EPHB1: variants seen among roughly 807,000 people sequenced by gnomAD.
EPHB1 encodes the protein ephrin type-B receptor 1.
Under a neutral mutation model 94.4 loss-of-function variants are expected in EPHB1, and 30 were observed. That is an observed-to-expected ratio of 0.32 (90% CI 0.24 to 0.43). The LOEUF (loss-of-function observed/expected upper bound fraction) is 0.43. EPHB1 is among the 20% of genes least tolerant of loss of function. The pLI is 1.00. For synonymous variants in EPHB1, 522 were observed against 489.1 expected (o/e 1.07, Z -0.89); for missense variants, 1,055 against 1,308.3 (o/e 0.81, Z 2.99).
At chr3:135,082,340 T>G (rs565149535) in intron 3 of EPHB1, among the ~76,000 whole-genome samples, 20 of 152,340 alleles carry the variant, frequency 1.3e-4, no homozygotes, top group Non-Finnish European at 2.9e-4. Flanking sequence ...CAGAAGAGTT[T>G]CTTGAGAGAC....
chr3:135,048,477 C>T (rs1438047459), intron 3 of EPHB1, among the ~76,000 whole-genome samples: 1 of 151,956 alleles, frequency 6.6e-6, no homozygotes, highest in African/African-American at 2.4e-5. Context: ...AGCATATTGC[C>T]CAGGCTGGTC....
At chr3:134,922,780 A>C (rs1018004885) in intron 1 of EPHB1, among the ~76,000 whole-genome samples, 4 of 152,154 alleles carry the variant, frequency 2.6e-5, no homozygotes, top group Non-Finnish European at 5.9e-5. Flanking sequence ...AGAGCCCCTC[A>C]AAAGCCCAAG....
At chr3:135,244,942 C>A (rs958834578) in intron 13 of EPHB1, among the ~76,000 whole-genome samples, 1 of 152,094 alleles carries the variant, frequency 6.6e-6, no homozygotes, top group Non-Finnish European at 1.5e-5. Context: ...ATTATCAGCT[C>A]AAGTAATAAC....
intron 1 of EPHB1, among the ~76,000 whole-genome samples, chr3:134,810,896 G>C (rs983595461): frequency 6.6e-6 from 1 of 152,128 alleles, no homozygotes; most frequent in African/African-American, 2.4e-5. Context: ...GCAGGGTACT[G>C]GTTCTCAGGG....
intron 12 of EPHB1, among the ~76,000 whole-genome samples, chr3:135,220,280 G>T (rs917970160): frequency 1.3e-5 from 2 of 152,138 alleles, no homozygotes; most frequent in African/African-American, 4.8e-5. Context: ...TGCTCACCCC[G>T]CAGGCATTCT....
intron 9 of EPHB1, among the ~76,000 whole-genome samples, chr3:135,174,615 T>C (rs549213729): frequency 7.1e-4 from 108 of 152,330 alleles, no homozygotes; most frequent in African/African-American, 2.6e-3. Flanking sequence ...GTTTTGCCGA[T>C]AGTTTCCACA....
chr3:134,845,575 C>T (rs6772947), intron 1 of EPHB1, among the ~76,000 whole-genome samples: 55,689 of 152,020 alleles, frequency 0.37, 11,234 homozygotes, highest in African/African-American at 0.54. Flanking sequence ...GCCTCTTTGC[C>T]GTGGCTTCGA....
At chr3:134,833,335 G>T (rs2036611103) in intron 1 of EPHB1, among the ~76,000 whole-genome samples, 1 of 152,188 alleles carries the variant, frequency 6.6e-6, no homozygotes, top group African/African-American at 2.4e-5. Flanking sequence ...GAGTGTGCTG[G>T]ATGAACTCAT....
At position 134,882,758 on chromosome 3, in the gene EPHB1, C is replaced by CT. The variant is rs60859294; in HGVS notation, c.59-43056dup. Reference sequence around the variant, plus strand: ...TCTTTCCTTCTTTCTTCCTTTCTTCCTTCCTTCCTTTCTTTCTTTCTTTCT... The same window carrying CT: ...TCTTTCCTTCTTTCTTCCTTTCTTCCTTTCCTTCCTTTCTTTCTTTCTTTCT... On this transcript the variant is annotated intron_variant, in intron 1 of 15. Transcript: ENST00000398015. Among the ~76,000 whole-genome samples the CT allele has an allele frequency of 9.3e-3, 1,001 of 107,150 alleles. 30 individuals are homozygous for CT. Among genetic ancestry groups the CT allele is most frequent in the African/African-American group, 0.035 (841 of 24,108 alleles). The allele number at this position is 107,150 out of a possible 152,430, so 70.3% of individuals were successfully genotyped here. A position where few individuals can be genotyped will look rare whatever the true frequency, so the allele number is the denominator to read the frequency against.
chr3:135,093,451 C>T (rs1004473014), intron 3 of EPHB1, among the ~76,000 whole-genome samples: 2 of 152,156 alleles, frequency 1.3e-5, no homozygotes, highest in African/African-American at 2.4e-5. Context: ...GACACGGTGG[C>T]CCACACCTGT....
chr3:134,932,439 G>A (rs532767733), intron 2 of EPHB1, among the ~76,000 whole-genome samples: 6 of 152,226 alleles, frequency 3.9e-5, no homozygotes, highest in African/African-American at 1.2e-4. Flanking sequence ...TTCCAAAGCC[G>A]AACAAAATCA....
intron 3 of EPHB1, among the ~76,000 whole-genome samples, chr3:135,053,023 G>GTATATATATATATATATATATA (rs1419499793): frequency 1.0e-4 from 7 of 68,560 alleles, no homozygotes; most frequent in African/African-American, 1.7e-4. Context: ...ATGTGTGTGT[G>GTATATATATATATATATATATA]TGTGTATATA....
chr3:135,243,074 CAA>C (rs397933477), intron 13 of EPHB1, among the ~76,000 whole-genome samples: 21 of 98,352 alleles, frequency 2.1e-4, no homozygotes, highest in African/African-American at 5.4e-4. Context: ...GACCCTGTCT[CAA>C]AAAAAAAAAA....
At chr3:135,095,617 A>T (rs1236990970) in intron 3 of EPHB1, among the ~76,000 whole-genome samples, 3 of 152,078 alleles carry the variant, frequency 2.0e-5, no homozygotes, top group Admixed American at 6.6e-5. Flanking sequence ...CGAGTGGGTG[A>T]CATGAGCTCA....
At chr3:135,249,994 A>C (rs1477604321) in intron 15 of EPHB1, among the ~76,000 whole-genome samples, 2 of 152,222 alleles carry the variant, frequency 1.3e-5, no homozygotes, top group East Asian at 3.9e-4. Flanking sequence ...TACACAAAAT[A>C]AAATTATTCA....
chr3:134,818,551 A>G (rs889319919), intron 1 of EPHB1, among the ~76,000 whole-genome samples: 10 of 152,092 alleles, frequency 6.6e-5, no homozygotes, highest in African/African-American at 2.2e-4. Context: ...CTCTTACCCC[A>G]AAGTCCCCAA....
intron 1 of EPHB1, among the ~76,000 whole-genome samples, chr3:134,824,999 A>T (rs1353915882): frequency 6.6e-6 from 1 of 152,270 alleles, no homozygotes; most frequent in African/African-American, 2.4e-5. Flanking sequence ...GCCAACCTGC[A>T]GGACTGTAAG....
At chr3:134,973,227 G>A (rs1304230494) in intron 3 of EPHB1, among the ~76,000 whole-genome samples, 1 of 152,086 alleles carries the variant, frequency 6.6e-6, no homozygotes, top group Non-Finnish European at 1.5e-5. Flanking sequence ...TGCTTTCTCT[G>A]GCTGTGTTCA....
intron 3 of EPHB1, among the ~76,000 whole-genome samples, chr3:135,051,652 C>T (rs1937170887): frequency 2.0e-5 from 3 of 152,222 alleles, no homozygotes; most frequent in South Asian, 2.1e-4. Flanking sequence ...TCATAAATGG[C>T]TTTGACTGCG....
Sources: gnomAD v4.1 joint callset for allele counts (sites outside exome capture counted in the v4.1 genomes callset) on GRCh38, gnomAD v4.1.1 for gene constraint, MANE v1.5 for transcripts, NCBI Gene and HGNC (gene_info 2026-07-23, HGNC 2026-07-21) for gene names.